The following PMPCB variants were observed in gnomAD, a reference collection of about 807,000 sequenced individuals.
The protein encoded by PMPCB is peptidase, mitochondrial processing subunit beta.
In PMPCB, 46 loss-of-function variants were observed where a neutral mutation model predicts 61.5. That is an observed-to-expected ratio of 0.75 (90% CI 0.59 to 0.96). PMPCB has a LOEUF of 0.96. Ranked by LOEUF, PMPCB falls within the 40% of genes least tolerant of loss-of-function variation. The pLI, the probability that PMPCB is intolerant of heterozygous loss-of-function variation, is 0.00. For synonymous variants in PMPCB, 191 were observed against 201.6 expected (o/e 0.95, Z 0.44); for missense variants, 590 against 602.4 (o/e 0.98, Z 0.22).
intron 6 of PMPCB, among the ~76,000 whole-genome samples, chr7:103,304,927 C>T (rs1484509709): frequency 2.6e-5 from 4 of 151,688 alleles, no homozygotes; most frequent in African/African-American, 4.8e-5. Flanking sequence ...CCACTGCACT[C>T]CAGCGTGGGC....
downstream of PMPCB, chr7:103,315,876 G>T (rs1251783465): frequency 1.2e-6 from 2 of 1,600,054 alleles, no homozygotes; most frequent in Non-Finnish European, 8.5e-7. Flanking sequence ...GAGGGTCTGA[G>T]AAATGAAAAA....
At chr7:103,317,074 C>T (rs77985131), downstream of PMPCB, 1,059 of 1,450,898 alleles carry the variant, frequency 7.3e-4, 6 homozygotes, top group African/African-American at 0.014. Context: ...TCTACACTCT[C>T]TTCCTGGCTA....
intron 9 of PMPCB, 79 bp downstream of exon 9, chr7:103,310,554 G>A: frequency 9.1e-7 from 1 of 1,102,454 alleles, no homozygotes; most frequent in Non-Finnish European, 1.3e-6. Flanking sequence ...ACTTTATGGT[G>A]ATTTATGGTA....
intron 12 of PMPCB, chr7:103,326,572 C>G (rs777067544): frequency 2.5e-6 from 4 of 1,613,894 alleles, no homozygotes; most frequent in Admixed American, 1.7e-5. Flanking sequence ...CTGGGGTAAA[C>G]ACTTCGAAGA....
intron 8 of PMPCB, among the ~76,000 whole-genome samples, chr7:103,309,635 C>CT (rs1817682521): frequency 6.6e-6 from 1 of 152,218 alleles, no homozygotes; most frequent in Non-Finnish European, 1.5e-5. Context: ...GCTCTAGCAT[C>CT]TGTGGATTTT....
At chr7:103,301,528 AAAGG>A (rs1817450361) in intron 4 of PMPCB, among the ~76,000 whole-genome samples, 1 of 152,248 alleles carries the variant, frequency 6.6e-6, no homozygotes, top group Non-Finnish European at 1.5e-5. Context: ...AGAAACAGAA[AAAGG>A]AAGGATGAAA....
intron 12 of PMPCB, among the ~76,000 whole-genome samples, chr7:103,320,194 T>C (rs1399532316): frequency 2.6e-5 from 4 of 152,102 alleles, no homozygotes; most frequent in African/African-American, 9.7e-5. Flanking sequence ...GTTCAAGCTA[T>C]TCTTCTGCCT....
At chr7:103,315,422 A>G (rs1054154338), downstream of PMPCB, among the ~76,000 whole-genome samples, 1 of 152,092 alleles carries the variant, frequency 6.6e-6, no homozygotes, top group African/African-American at 2.4e-5. Context: ...ACATAAGGAC[A>G]TTTTCTTATA....
chr7:103,318,303 C>T (rs1043152734), downstream of PMPCB, among the ~76,000 whole-genome samples: 4 of 152,140 alleles, frequency 2.6e-5, no homozygotes, highest in Admixed American at 1.3e-4. Flanking sequence ...GAAGTTGGGA[C>T]TACAGGTACA....
chr7:103,311,851 C>T lies in PMPCB; in HGVS notation c.1284C>T (p.Cys428=). ...ICEDIGRQML[C]YNRRIPIPEL... is the part of the protein sequence containing the mutation. ...AAGATATTGGTAGGCAAATGTTATG[C>T]TATAATAGAAGGATTCCCATCCCTG... is the stretch of plus-strand genomic sequence containing the variant. Residue 428 remains cysteine, a synonymous_variant, in exon 11 of 13, where the codon TGC becomes TGT. Coordinates refer to ENST00000249269, the MANE Select transcript of PMPCB (RefSeq NM_004279.3). 6.2e-7 allele frequency: 1 copy of T among 1,613,108 alleles called. No individual in the cohort carries two copies. The highest frequency in any genetic ancestry group is 8.5e-7 in the Non-Finnish European group (1 of 1,179,292).
the PMPCB span, chr7:103,345,137 G>C: frequency 5.3e-6 from 1 of 189,250 alleles, no homozygotes; most frequent in Non-Finnish European, 1.1e-5. Context: ...GGAGAATTAC[G>C]TACGTGTATT....
At chr7:103,327,856 A>C (rs1818789256) in intron 12 of PMPCB, 1 of 649,174 alleles carries the variant, frequency 1.5e-6, no homozygotes, top group African/African-American at 1.8e-5. Context: ...TAATATTAGA[A>C]TCTTTTCTCC....
chr7:103,344,686 T>TC, the PMPCB span: 1 of 1,549,398 alleles, frequency 6.5e-7, no homozygotes, highest in African/African-American at 1.4e-5. Flanking sequence ...GCGCTTAGGG[T>TC]CCCCTCCAGC....
chr7:103,338,139 G>A, the PMPCB span, among the ~76,000 whole-genome samples: 3 of 151,970 alleles, frequency 2.0e-5, no homozygotes, highest in East Asian at 1.9e-4. Flanking sequence ...GTGTGGTGGT[G>A]TGCACCTGTA....
intron 2 of PMPCB, 119 bp from the exon 3 acceptor site, chr7:103,299,324 G>A: frequency 1.6e-6 from 1 of 624,816 alleles, no homozygotes; most frequent in Non-Finnish European, 2.8e-6. Flanking sequence ...ATTCACTCAG[G>A]TCAAGAAAAT....
chr7:103,346,065 A>G, the PMPCB span, among the ~76,000 whole-genome samples: 1 of 152,030 alleles, frequency 6.6e-6, no homozygotes, highest in African/African-American at 2.4e-5. Context: ...CTTCATATTA[A>G]TATATTTTTT....
Position 103,312,411 on chromosome 7 carries a change from C to G in PMPCB, c.*140C>G, listed in dbSNP as rs1242728937. 6.6e-7 allele frequency: 1 copy of G among 1,508,482 alleles called. No individual in the cohort carries two copies. The highest frequency in any genetic ancestry group is 2.4e-5 in the East Asian group (1 of 41,694). The allele number at this position is 1,508,482 out of a possible 1,614,324, so 93.4% of individuals were successfully genotyped here. ...TTCAAAGGATAAAAAGACTACCCCTCTGAAGGTTGTTTTGTATTAATGGTC... is the reference window on the plus strand; with the variant it reads ...TTCAAAGGATAAAAAGACTACCCCTGTGAAGGTTGTTTTGTATTAATGGTC... On this transcript the variant is annotated 3_prime_UTR_variant, in exon 13 of 13. Coordinates refer to ENST00000249269, the MANE Select transcript of PMPCB (RefSeq NM_004279.3).
chr7:103,343,551 T>C, the PMPCB span, among the ~76,000 whole-genome samples: 4 of 152,136 alleles, frequency 2.6e-5, no homozygotes, highest in African/African-American at 9.7e-5. Flanking sequence ...ACAATACCTA[T>C]TTATCTCATT....
At position 103,312,209 on chromosome 7, in the gene PMPCB, C is replaced by T; in HGVS notation, c.1408C>T (p.Pro470Ser). The T allele has an allele frequency of 1.9e-6, 3 of 1,613,616 alleles. No individual in the cohort carries two copies. The highest frequency in any genetic ancestry group is 1.7e-6 in the Non-Finnish European group (2 of 1,179,872). Residue 470 changes from proline (P) to serine (S), a missense_variant and splice_region_variant, in exon 13 of 13, where the codon CCC (proline) becomes TCC (serine). By Grantham distance (74) the Pro-to-Ser change is moderately conservative. Transcript: ENST00000249269. ...NRSPAIAAVG[P>S]IKQLPDFKQI... ...TAACTCTTCTTTTTAATCCTTAGGT[C>T]CCATTAAGCAACTACCAGATTTTAA... is the stretch of plus-strand genomic sequence containing the variant.
Sources: gnomAD v4.1 joint callset for allele counts (sites outside exome capture counted in the v4.1 genomes callset) on GRCh38, gnomAD v4.1.1 for gene constraint, MANE v1.5 for transcripts, NCBI Gene and HGNC (gene_info 2026-07-23, HGNC 2026-07-21) for gene names.